CATSPERT: variants seen among roughly 807,000 people sequenced by gnomAD.
CATSPERT encodes the protein cation channel sperm-associated targeting subunit tau.
At chr2:201,563,329 A>C in the CATSPERT span, among the ~76,000 whole-genome samples, 3 of 108,878 alleles carry the variant, frequency 2.8e-5, no homozygotes, top group Admixed American at 9.9e-5. Flanking sequence ...TGACCCCCCC[A>C]CCTCCCTCCC....
At chr2:201,523,460 G>A in the CATSPERT span, among the ~76,000 whole-genome samples, 1 of 152,100 alleles carries the variant, frequency 6.6e-6, no homozygotes, top group Non-Finnish European at 1.5e-5. Context: ...AAACCCTCAA[G>A]GGAATCAAAG....
chr2:201,618,815 T>C, the CATSPERT span: 1 of 1,267,632 alleles, frequency 7.9e-7, no homozygotes, highest in Non-Finnish European at 1.1e-6. Flanking sequence ...TTGGCACACA[T>C]TGAACCCTTT....
chr2:201,576,351 C>T, the CATSPERT span, among the ~76,000 whole-genome samples: 2 of 152,196 alleles, frequency 1.3e-5, no homozygotes, highest in Non-Finnish European at 2.9e-5. Context: ...AAAGATTAGG[C>T]TTTCAGCAGC....
the CATSPERT span, chr2:201,536,138 A>G: frequency 6.2e-7 from 1 of 1,613,508 alleles, no homozygotes; most frequent in Middle Eastern, 1.7e-4. Context: ...ATTGACGTTC[A>G]CCTAAAGGTG....
At chr2:201,618,904 A>G in the CATSPERT span, 12 of 1,613,374 alleles carry the variant, frequency 7.4e-6, 1 homozygote, top group Admixed American at 1.0e-4. Context: ...ACTCACGTTC[A>G]GCAGCCGGTG....
the CATSPERT span, among the ~76,000 whole-genome samples, chr2:201,614,608 C>G: frequency 2.0e-5 from 3 of 152,122 alleles, 1 homozygote; most frequent in South Asian, 6.2e-4. Flanking sequence ...CAAAAACATG[C>G]CAAATTGTAA....
the CATSPERT span, among the ~76,000 whole-genome samples, chr2:201,522,868 G>A: frequency 6.6e-6 from 1 of 152,186 alleles, no homozygotes; most frequent in Non-Finnish European, 1.5e-5. Context: ...GTGAGACAGG[G>A]CCAGTTTGGT....
At chr2:201,561,357 T>A in the CATSPERT span, among the ~76,000 whole-genome samples, 8,355 of 152,134 alleles carry the variant, frequency 0.055, 273 homozygotes, top group African/African-American at 0.08. Flanking sequence ...ACGACTTTTT[T>A]AAAAAAATTA....
At chr2:201,498,328 G>A in the CATSPERT span, among the ~76,000 whole-genome samples, 3 of 152,116 alleles carry the variant, frequency 2.0e-5, no homozygotes, top group Non-Finnish European at 2.9e-5. Flanking sequence ...GCTACTGCAA[G>A]TCCCAGAGTC....
At chr2:201,546,620 A>T in the CATSPERT span, among the ~76,000 whole-genome samples, 3 of 152,254 alleles carry the variant, frequency 2.0e-5, no homozygotes, top group South Asian at 6.2e-4. Context: ...TATAATAATA[A>T]TTTTTAGAAG....
chr2:201,549,545 T>C, the CATSPERT span: 1 of 152,130 alleles, frequency 6.6e-6, no homozygotes, highest in African/African-American at 2.4e-5. Flanking sequence ...TCATAACCAT[T>C]ATGACTTTTT....
the CATSPERT span, among the ~76,000 whole-genome samples, chr2:201,517,087 A>G: frequency 1.3e-5 from 2 of 152,124 alleles, no homozygotes; most frequent in East Asian, 1.9e-4. Flanking sequence ...GCCTATGTCT[A>G]ACAGAACCAT....
the CATSPERT span, among the ~76,000 whole-genome samples, chr2:201,523,112 A>C: frequency 2.0e-5 from 3 of 151,994 alleles, no homozygotes; most frequent in African/African-American, 7.3e-5. Context: ...GTGTGTGTGG[A>C]CCTCACTGCC....
chr2:201,559,671 T>C, the CATSPERT span, among the ~76,000 whole-genome samples: 1 of 152,112 alleles, frequency 6.6e-6, no homozygotes, highest in African/African-American at 2.4e-5. Flanking sequence ...GCCACTAATA[T>C]AGATTATAGC....
the CATSPERT span, among the ~76,000 whole-genome samples, chr2:201,575,485 G>A: frequency 2.6e-5 from 4 of 152,222 alleles, no homozygotes; most frequent in African/African-American, 7.2e-5. Context: ...GTGGGCAAGC[G>A]AGCAAAGCTT....
At chr2:201,545,417 G>T in the CATSPERT span, 1 of 613,354 alleles carries the variant, frequency 1.6e-6, no homozygotes. Context: ...AAACTATAGT[G>T]AAATGCCTAT....
the CATSPERT span, among the ~76,000 whole-genome samples, chr2:201,613,867 AC>A: frequency 1.3e-5 from 2 of 152,188 alleles, no homozygotes; most frequent in Admixed American, 6.5e-5. Flanking sequence ...TCCTTAAATG[AC>A]CTGATGGAGC....
the CATSPERT span, chr2:201,537,541 T>C: frequency 8.1e-7 from 1 of 1,240,328 alleles, no homozygotes; most frequent in African/African-American, 1.5e-5. Flanking sequence ...CATATGTATG[T>C]ACATTAATAA....
chr2:201,543,613 T>C, the CATSPERT span, among the ~76,000 whole-genome samples: 1 of 152,174 alleles, frequency 6.6e-6, no homozygotes, highest in Non-Finnish European at 1.5e-5. Context: ...TTGATGCTAT[T>C]GTAAACTGGA....
Sources: allele counts gnomAD v4.1 joint callset (sites outside exome capture counted in the v4.1 genomes callset), GRCh38; gene constraint gnomAD v4.1.1; transcripts MANE v1.5; gene names NCBI Gene and HGNC (gene_info 2026-07-23, HGNC 2026-07-21).